Variants in RYR3 observed in about 807,000 individuals in gnomAD.
RYR3 encodes the protein ryanodine receptor 3, also known as brain ryanodine receptor-calcium release channel.
RYR3 carries 207 observed loss-of-function variants against 584.3 expected under a neutral mutation model. The observed-to-expected ratio is 0.35, with a 90% CI of 0.32 to 0.40. The LOEUF (loss-of-function observed/expected upper bound fraction) is 0.40, where lower values mean the gene tolerates loss of function less well. RYR3 is among the 10% of genes least tolerant of loss of function. RYR3 has a pLI of 1.00. For synonymous variants in RYR3, 2,416 were observed against 2,248.5 expected (o/e 1.07, Z -2.11); for missense variants, 5,616 against 6,089.2 (o/e 0.92, Z 2.59).
intron 4 of RYR3, among the ~76,000 whole-genome samples, chr15:33,531,442 T>G (rs190964263): frequency 1.3e-5 from 2 of 152,180 alleles, no homozygotes; most frequent in Admixed American, 1.3e-4. Flanking sequence ...TAGTGTATCA[T>G]CCTCACTTTC....
chr15:33,570,727 T>A (rs897551370), intron 12 of RYR3, among the ~76,000 whole-genome samples: 2 of 152,184 alleles, frequency 1.3e-5, no homozygotes, highest in African/African-American at 4.8e-5. Context: ...AATGTCTATT[T>A]ATTTTTTAAT....
chr15:33,776,325 C>T (rs2073989913), intron 64 of RYR3, among the ~76,000 whole-genome samples: 1 of 152,190 alleles, frequency 6.6e-6, no homozygotes, highest in Non-Finnish European at 1.5e-5. Flanking sequence ...CACAAAATTT[C>T]AGAGAAGGGT....
At chr15:33,319,438 A>G (rs1414446642) in intron 1 of RYR3, among the ~76,000 whole-genome samples, 1 of 152,200 alleles carries the variant, frequency 6.6e-6, no homozygotes, top group Non-Finnish European at 1.5e-5. Flanking sequence ...AATTTAGGAC[A>G]GTGGTTTTCC....
chr15:33,750,817 CACCCATTA>C lies in RYR3; in HGVS notation c.8399+535_8399+542del, dbSNP rs1401357874. On this transcript the variant is annotated intron_variant, in intron 57 of 103. Transcript: ENST00000634891. ...ATACACGTGCCATGGTGGTTTGCTG[CACCCATTA>C]ACCTGTCATCTACATTTGGTATTTC... Among the ~76,000 whole-genome samples the C allele has an allele frequency of 7.9e-5, 12 of 152,282 alleles. No individual in the cohort carries two copies. The East Asian group carries it at 1.7e-3, about 22-fold the overall frequency.
chr15:33,504,205 T>C (rs566450839), intron 3 of RYR3, among the ~76,000 whole-genome samples: 12 of 152,350 alleles, frequency 7.9e-5, no homozygotes, highest in Non-Finnish European at 1.6e-4. Context: ...CAGAACTTGA[T>C]GGTTTCACTG....
At chr15:33,379,980 A>G (rs2041064192) in intron 1 of RYR3, among the ~76,000 whole-genome samples, 2 of 152,182 alleles carry the variant, frequency 1.3e-5, no homozygotes, top group Middle Eastern at 3.4e-3. Context: ...CCAGCATTAG[A>G]GAAAGAAGGA....
intron 67 of RYR3, among the ~76,000 whole-genome samples, chr15:33,793,856 T>G (rs1310560666): frequency 2.7e-5 from 4 of 149,510 alleles, no homozygotes; most frequent in East Asian, 1.9e-4. Context: ...ATAACCTAAT[T>G]AAGATTACTT....
intron 28 of RYR3, 178 bp from the exon 29 acceptor site, chr15:33,646,173 T>C: frequency 1.9e-6 from 1 of 538,300 alleles, no homozygotes; most frequent in Non-Finnish European, 3.2e-6. Flanking sequence ...CAGATCTGTT[T>C]CTTCCTACGG....
intron 1 of RYR3, among the ~76,000 whole-genome samples, chr15:33,391,322 G>C (rs1296115110): frequency 6.6e-6 from 1 of 152,126 alleles, no homozygotes; most frequent in Non-Finnish European, 1.5e-5. Flanking sequence ...TTTTTAAATG[G>C]AGTTTAAAAG....
At chr15:33,482,510 C>T (rs575600338) in intron 2 of RYR3, among the ~76,000 whole-genome samples, 3 of 152,168 alleles carry the variant, frequency 2.0e-5, no homozygotes, top group Admixed American at 1.3e-4. Context: ...ACCTCCCCCT[C>T]CCAGGTTCAA....
At chr15:33,314,770 C>T (rs1213274604) in intron 1 of RYR3, among the ~76,000 whole-genome samples, 3 of 152,036 alleles carry the variant, frequency 2.0e-5, no homozygotes, top group African/African-American at 4.8e-5. Context: ...AAAAATTAGC[C>T]GGGCGTGGTG....
rs2048393046 is a variant in RYR3 at position 33,465,294 on chromosome 15, T to A, written c.52-8125T>A. Among the ~76,000 whole-genome samples the A allele has an allele frequency of 3.3e-5, 5 of 152,338 alleles. No individual in the cohort carries two copies. The South Asian group carries it at 1.0e-3, about 32-fold the overall frequency. The stretch of plus-strand genomic sequence containing the variant: ...ATATCTATATCTATCGATAGATATC[T>A]ATATCTATATTCAGAAGCAGGATTG... On this transcript the variant is annotated intron_variant, in intron 1 of 103. Coordinates refer to ENST00000634891, the MANE Select transcript of RYR3 (RefSeq NM_001036.6).
At chr15:33,357,832 A>G (rs184379964) in intron 1 of RYR3, among the ~76,000 whole-genome samples, 143 of 152,324 alleles carry the variant, frequency 9.4e-4, no homozygotes, top group African/African-American at 3.3e-3. Flanking sequence ...AGCAGTCACC[A>G]GCGAGCCTAA....
intron 98 of RYR3, among the ~76,000 whole-genome samples, chr15:33,855,173 G>A (rs1187016132): frequency 6.6e-6 from 1 of 152,006 alleles, no homozygotes; most frequent in African/African-American, 2.4e-5. Context: ...AGGGAGGGAG[G>A]TGATGGACAT....
intron 38 of RYR3, among the ~76,000 whole-genome samples, chr15:33,678,721 G>T (rs998910763): frequency 6.6e-6 from 1 of 152,156 alleles, no homozygotes; most frequent in African/African-American, 2.4e-5. Context: ...TGGAGCCTGG[G>T]GCCAGCCCTA....
At chr15:33,804,608 T>C (rs1291449810) in intron 69 of RYR3, among the ~76,000 whole-genome samples, 1 of 152,216 alleles carries the variant, frequency 6.6e-6, no homozygotes, top group Admixed American at 6.5e-5. Flanking sequence ...CAGTGCATTA[T>C]TTCAGACAAA....
chr15:33,563,977 A>C (rs1244558929), intron 11 of RYR3, among the ~76,000 whole-genome samples: 1 of 151,988 alleles, frequency 6.6e-6, no homozygotes, highest in Non-Finnish European at 1.5e-5. Flanking sequence ...CAGTACCTTC[A>C]AAAAAAATGG....
At chr15:33,325,996 T>A (rs1473843896) in intron 1 of RYR3, among the ~76,000 whole-genome samples, 1 of 152,014 alleles carries the variant, frequency 6.6e-6, no homozygotes, top group Non-Finnish European at 1.5e-5. Flanking sequence ...GAGATGGGGT[T>A]TTGCCATTTT....
rs1162478484 is a variant in RYR3, at chr15:33,785,757, G to A, written c.9364G>A (p.Ala3122Thr). 1 of 1,613,964 alleles carries A rather than the reference G, an allele frequency of 6.2e-7. No individual in the cohort carries two copies. Among genetic ancestry groups the A allele is most frequent in the Admixed American group, 1.7e-5 (1 of 60,020 alleles). Reference protein sequence around the residue: ...KEINDLAESGARYTEMPHVIE... With the variant: ...KEINDLAESGTRYTEMPHVIE... ...AATCAACGACCTGGCCGAGTCAGGG[G>A]CCCGGTACACAGAGATGCCCCATGT... Residue 3122 changes from alanine (A) to threonine (T), a missense_variant, in exon 66 of 104, where the codon GCC becomes ACC. Transcript: ENST00000634891.
Sources: gnomAD v4.1 joint callset for allele counts (sites outside exome capture counted in the v4.1 genomes callset) on GRCh38, gnomAD v4.1.1 for gene constraint, MANE v1.5 for transcripts, NCBI Gene and HGNC (gene_info 2026-07-23, HGNC 2026-07-21) for gene names.